The following PPRC1 variants were observed in gnomAD, a reference collection of about 807,000 sequenced individuals.
PPRC1 encodes PPARG related coactivator 1, also known as peroxisome proliferator-activated receptor gamma coactivator-related protein 1.
Under a neutral mutation model 132.5 loss-of-function variants are expected in PPRC1, and 23 were observed. The ratio of observed to expected loss-of-function variants is 0.17; its 90% CI spans 0.12 to 0.25. The LOEUF (loss-of-function observed/expected upper bound fraction) is 0.25. Ranked by LOEUF, PPRC1 falls within the 10% of genes least tolerant of loss-of-function variation. PPRC1 has a pLI of 1.00. For synonymous variants in PPRC1, 872 were observed against 833.5 expected (o/e 1.05, Z -0.80); for missense variants, 2,006 against 2,089.1 (o/e 0.96, Z 0.78).
At chr10:102,131,104 A>ATT (rs2068532957), upstream of PPRC1, among the ~76,000 whole-genome samples, 3 of 151,342 alleles carry the variant, frequency 2.0e-5, no homozygotes, top group African/African-American at 7.3e-5. Flanking sequence ...CTGAGGCAGG[A>ATT]GAATCACTTG....
In PPRC1 at chr10:102,139,994, C is replaced by G; in HGVS notation, c.1486C>G (p.Gln496Glu). The G allele has an allele frequency of 6.2e-7, 1 of 1,614,210 alleles. No homozygotes were observed. The highest frequency in any genetic ancestry group is 8.5e-7 in the Non-Finnish European group (1 of 1,180,042). ...TACTGTAGGTACAGAAGTGACCTCT[C>G]AGGTAGACAACTTGCAGAAACAGCC... Reference protein sequence around the residue: ...QSTVGTEVTSQVDNLQKQPQE... With the variant: ...QSTVGTEVTSEVDNLQKQPQE... Residue 496 changes from glutamine to glutamate, a missense_variant, in exon 5 of 14, where the codon CAG becomes GAG. Around this residue, in one of 2 missense-constraint regions of PPRC1, gnomAD observed 1,914 missense variants for 1,917.2 expected, o/e 1.00. Coordinates refer to ENST00000278070, the MANE Select transcript of PPRC1 (RefSeq NM_015062.5).
At chr10:102,142,392 CACCATG>C (rs2069028297) in intron 5 of PPRC1, among the ~76,000 whole-genome samples, 1 of 125,750 alleles carries the variant, frequency 8.0e-6, no homozygotes. Context: ...TGAGCCGCTG[CACCATG>C]CCTTTTTTTT....
In PPRC1 at chr10:102,139,725, C is replaced by T. The variant is rs749635561; in HGVS notation, c.1217C>T (p.Thr406Ile). 5.0e-6 allele frequency: 8 copies of T among 1,614,122 alleles called. No homozygotes were observed. In the South Asian group the frequency reaches 6.6e-5, roughly 13 times the overall value. The change falls in exon 5 of 14, where the codon ACC becomes ATC. Residue 406 changes from threonine (T) to isoleucine (I), a missense_variant. Thr to Ile is a moderately conservative substitution (Grantham distance 89, BLOSUM62 -1). Around this residue, in one of 2 missense-constraint regions of PPRC1, gnomAD observed 1,914 missense variants for 1,917.2 expected, o/e 1.00. Transcript: ENST00000278070. ...SETEAAVPKV[T>I]LCSEKEGLSL... ...ACAGAGGCTGCTGTGCCCAAGGTAA[C>T]CCTCTGCTCTGAGAAAGAGGGGTTG...
Position 102,139,681 on chromosome 10 carries a change from G to T in PPRC1, c.1173G>T (p.Met391Ile). ...CTAGTTCTGCCTTGCAGCTGCTTAT[G>T]CCTACACTGGAGTCAGAGACAGAGG... Reference protein sequence around the residue: ...LETSSALQLLMPTLESETEAA... With the variant: ...LETSSALQLLIPTLESETEAA... Residue 391 changes from methionine to isoleucine, a missense_variant, in exon 5 of 14, where the codon ATG (methionine) becomes ATT (isoleucine). Met to Ile is a conservative substitution (Grantham distance 10, BLOSUM62 1). This residue lies in a region of PPRC1 where 1,914 missense variants were observed against 1,917.2 expected (regional missense o/e 1.00). Transcript: ENST00000278070. The T allele has an allele frequency of 1.9e-6, 3 of 1,614,090 alleles. No individual in the cohort carries two copies. Among genetic ancestry groups the T allele is most frequent in the East Asian group, 2.2e-5 (1 of 44,894 alleles).
the PPRC1 span, among the ~76,000 whole-genome samples, chr10:102,126,458 CT>C: frequency 0.091 from 12,809 of 140,020 alleles, 680 homozygotes; most frequent in African/African-American, 0.18. Flanking sequence ...TGAACTATAA[CT>C]TTTTTTTTTT....
At chr10:102,135,521 G>A (rs977495480) in intron 1 of PPRC1, among the ~76,000 whole-genome samples, 1 of 152,202 alleles carries the variant, frequency 6.6e-6, no homozygotes, top group African/African-American at 2.4e-5. Context: ...AGGGATTACA[G>A]GCAAGCACCA....
upstream of PPRC1, among the ~76,000 whole-genome samples, chr10:102,131,665 T>G (rs2068545349): frequency 6.6e-6 from 1 of 152,204 alleles, no homozygotes; most frequent in Non-Finnish European, 1.5e-5. Context: ...ACTTAAATAT[T>G]ATTTATTTTT....
At chr10:102,149,423 T>A in intron 13 of PPRC1, 94 bp downstream of exon 13, 1 of 1,370,582 alleles carries the variant, frequency 7.3e-7, no homozygotes, top group Non-Finnish European at 9.6e-7. Context: ...CAGACTTACC[T>A]TAGTTTGACA....
At position 102,139,781 on chromosome 10, in the gene PPRC1, G is replaced by C. The variant is rs1229411214; in HGVS notation, c.1273G>C (p.Ala425Pro). The C allele has an allele frequency of 1.1e-5, 17 of 1,614,086 alleles. No individual in the cohort carries two copies. Among genetic ancestry groups the C allele is most frequent in the Non-Finnish European group, 1.4e-5 (17 of 1,180,056 alleles). The part of the protein sequence containing the change: ...SLNSEEKLDS[A>P]CLLKPREVVE... ...GAACTCAGAGGAGAAGCTGGACTCA[G>C]CCTGCTTATTGAAGCCCAGGGAGGT... The change falls in exon 5 of 14, where the codon GCC (alanine) becomes CCC (proline). Residue 425 changes from alanine (A) to proline (P), a missense_variant. This residue lies in a region of PPRC1 where 1,914 missense variants were observed against 1,917.2 expected (regional missense o/e 1.00). Coordinates refer to ENST00000278070, the MANE Select transcript of PPRC1 (RefSeq NM_015062.5).
At chr10:102,120,424 C>A in the PPRC1 span, 1,092 of 981,310 alleles carry the variant, frequency 1.1e-3, 3 homozygotes, top group Non-Finnish European at 1.3e-3. Context: ...CTCCCGCCGC[C>A]GTCGCCGAGC....
In PPRC1 at chr10:102,139,995, A is replaced by G. The variant is rs983266899; in HGVS notation, c.1487A>G (p.Gln496Arg). Residue 496 changes from glutamine to arginine, a missense_variant, in exon 5 of 14, where the codon CAG (glutamine) becomes CGG (arginine). Around this residue, in one of 2 missense-constraint regions of PPRC1, gnomAD observed 1,914 missense variants for 1,917.2 expected, o/e 1.00. Coordinates refer to ENST00000278070, the MANE Select transcript of PPRC1 (RefSeq NM_015062.5). Reference sequence around the variant, plus strand: ...ACTGTAGGTACAGAAGTGACCTCTCAGGTAGACAACTTGCAGAAACAGCCT... The same window carrying G: ...ACTGTAGGTACAGAAGTGACCTCTCGGGTAGACAACTTGCAGAAACAGCCT... ...QSTVGTEVTS[Q>R]VDNLQKQPQE... The G allele has an allele frequency of 6.2e-7, 1 of 1,614,236 alleles. No individual in the cohort carries two copies. The highest frequency in any genetic ancestry group is 8.5e-7 in the Non-Finnish European group (1 of 1,180,044).
At chr10:102,129,302 A>G (rs953325896), upstream of PPRC1, among the ~76,000 whole-genome samples, 2 of 152,138 alleles carry the variant, frequency 1.3e-5, no homozygotes, top group African/African-American at 4.8e-5. Flanking sequence ...GAAAAGGACA[A>G]ACGATTGGAG....
chr10:102,131,956 G>T (rs1387592178), upstream of PPRC1, among the ~76,000 whole-genome samples: 2 of 152,106 alleles, frequency 1.3e-5, no homozygotes, highest in Non-Finnish European at 2.9e-5. Context: ...CCGAGCCACG[G>T]CCAGAAACAA....
intron 13 of PPRC1, 54 bp downstream of exon 13, chr10:102,149,383 G>A (rs1490140409): frequency 6.6e-7 from 1 of 1,506,496 alleles, no homozygotes; most frequent in African/African-American, 1.4e-5. Flanking sequence ...TCCCCAGAAG[G>A]GTTCCTAACC....
chr10:102,130,436 A>C (rs935340775), upstream of PPRC1, among the ~76,000 whole-genome samples: 10 of 145,838 alleles, frequency 6.9e-5, no homozygotes, highest in Admixed American at 2.7e-4. Flanking sequence ...AAAAAAAAAA[A>C]AAAAAACAAC....
At chr10:102,142,400 CTTTTTTTTTTTTTTTTTTTTTTT>C (rs71016364) in intron 5 of PPRC1, among the ~76,000 whole-genome samples, 5 of 61,206 alleles carry the variant, frequency 8.2e-5, no homozygotes, top group East Asian at 7.8e-4. Flanking sequence ...TGCACCATGC[CTTTTTTTTTTTTTTTTTTTTTTT>C]TTTTTTTTTT....
chr10:102,137,590 G>C (rs970872321), intron 1 of PPRC1, among the ~76,000 whole-genome samples: 1 of 152,018 alleles, frequency 6.6e-6, no homozygotes, highest in Non-Finnish European at 1.5e-5. Context: ...TTTTACTCCC[G>C]GGTTTTAATC....
intron 1 of PPRC1, among the ~76,000 whole-genome samples, chr10:102,133,686 G>C (rs1054892559): frequency 6.6e-6 from 1 of 151,660 alleles, no homozygotes; most frequent in Non-Finnish European, 1.5e-5. Flanking sequence ...CAGGCAGCGG[G>C]TCCACGTGGG....
chr10:102,132,953 G>A, upstream of PPRC1: 1 of 1,223,030 alleles, frequency 8.2e-7, no homozygotes, highest in Non-Finnish European at 1.0e-6. Flanking sequence ...TCGCCGCACG[G>A]CTCTCTGGGA....
Sources: allele counts gnomAD v4.1 joint callset (sites outside exome capture counted in the v4.1 genomes callset), GRCh38; gene constraint gnomAD v4.1.1; regional missense constraint gnomAD v4.1.1; transcripts MANE v1.5; gene names NCBI Gene and HGNC (gene_info 2026-07-23, HGNC 2026-07-21).